KNG1: variants seen among roughly 807,000 people sequenced by gnomAD.
KNG1 encodes the protein kininogen-1.
In KNG1, 23 loss-of-function variants were observed where a neutral mutation model predicts 47.8. The ratio of observed to expected loss-of-function variants is 0.48; its 90% CI spans 0.35 to 0.68. KNG1 has a LOEUF of 0.68. KNG1 is among the 30% of genes least tolerant of loss of function. KNG1 has a pLI of 0.01. For synonymous variants in KNG1, 277 were observed against 277.0 expected (o/e 1.00, Z 0.00); for missense variants, 762 against 790.2 (o/e 0.96, Z 0.43).
In KNG1 at chr3:186,742,293, G is replaced by T; in HGVS notation, c.1897G>T (p.Glu633Ter). 1.2e-6 allele frequency: 2 copies of T among 1,614,042 alleles called. No homozygotes were observed. Among genetic ancestry groups the T allele is most frequent in the Middle Eastern group, 1.6e-4 (1 of 6,062 alleles). Reference protein sequence around the residue: ...SEINPTTQMKESYYFDLTDGL... With the variant: ...SEINPTTQMK ...AATTAATCCAACCACACAAATGAAA[G>T]AATCTTATTATTTCGATCTCACTGA... Residue 633 changes from glutamate to a stop codon, truncating the protein, a stop_gained, in exon 10 of 10, where the codon GAA becomes TAA. Coordinates refer to ENST00000644859, the MANE Select transcript of KNG1 (RefSeq NM_001102416.3). LOFTEE classifies it high-confidence loss of function.
intron 7 of KNG1, chr3:186,736,543 A>C (rs1156491315): frequency 1.3e-5 from 2 of 152,112 alleles, no homozygotes; most frequent in African/African-American, 4.8e-5. Flanking sequence ...CCCTACCACC[A>C]CTGCTGCTGT....
intron 5 of KNG1, among the ~76,000 whole-genome samples, chr3:186,730,980 C>T (rs921980454): frequency 2.0e-5 from 3 of 151,728 alleles, no homozygotes; most frequent in Admixed American, 1.3e-4. Context: ...TTTCTATTCA[C>T]GTGTAATTTT....
intron 6 of KNG1, among the ~76,000 whole-genome samples, chr3:186,732,272 A>G (rs765105882): frequency 6.6e-6 from 1 of 152,160 alleles, no homozygotes; most frequent in Non-Finnish European, 1.5e-5. Context: ...TGTTGGAGTT[A>G]CTCGCACTTT....
chr3:186,720,552 C>T, intron 2 of KNG1: 3 of 354,462 alleles, frequency 8.5e-6, no homozygotes, highest in South Asian at 7.5e-5. Flanking sequence ...GCTTCCATTG[C>T]ACAACGTTAA....
chr3:186,725,497 G>C (rs950340153), intron 4 of KNG1, among the ~76,000 whole-genome samples: 6 of 150,168 alleles, frequency 4.0e-5, no homozygotes, highest in African/African-American at 1.2e-4. Flanking sequence ...GTCATTACAG[G>C]CTCTTCCTAG....
Position 186,727,753 on chromosome 3 carries a change from G to A in KNG1, c.672+409G>A, listed in dbSNP as rs567302360. On this transcript the variant is annotated intron_variant, in intron 5 of 9. Transcript: ENST00000644859. Reference sequence around the variant, plus strand: ...CGCATGGCTAATTTTTGTATTTATAGTAGAGACAGGGTTTTACCGTGTTAG... The same window carrying A: ...CGCATGGCTAATTTTTGTATTTATAATAGAGACAGGGTTTTACCGTGTTAG... Among the ~76,000 whole-genome samples the A allele has an allele frequency of 2.6e-5, 4 of 152,142 alleles. No homozygotes were observed. In the South Asian group the frequency reaches 6.2e-4, roughly 24 times the overall value.
Position 186,732,574 on chromosome 3 carries a change from A to T in KNG1, c.830A>T (p.Glu277Val), listed in dbSNP as rs769418664. 6.2e-7 allele frequency: 1 copy of T among 1,614,086 alleles called. No individual in the cohort carries two copies. Among genetic ancestry groups the T allele is most frequent in the South Asian group, 1.1e-5 (1 of 91,078 alleles). The change falls in exon 7 of 10, where the codon GAG becomes GTG. Residue 277 changes from glutamate (E) to valine (V), a missense_variant. Physicochemically the swap from Glu to Val is moderately radical, Grantham distance 121. Coordinates refer to ENST00000644859, the MANE Select transcript of KNG1 (RefSeq NM_001102416.3). ...CPRDIPTNSP[E>V]LEETLTHTIT... Reference sequence around the variant, plus strand: ...AGAGATATACCCACCAACAGCCCAGAGCTGGAGGAGACACTGACTCACACC... The same window carrying T: ...AGAGATATACCCACCAACAGCCCAGTGCTGGAGGAGACACTGACTCACACC...
At chr3:186,725,435 T>C (rs1211011318) in intron 4 of KNG1, among the ~76,000 whole-genome samples, 175 bp downstream of exon 4, 5 of 151,964 alleles carry the variant, frequency 3.3e-5, no homozygotes, top group Non-Finnish European at 4.4e-5. Flanking sequence ...TGAGAAAAGA[T>C]GTCGAATCAG....
At chr3:186,721,435 A>T (rs1314560962) in intron 2 of KNG1, 1 of 152,244 alleles carries the variant, frequency 6.6e-6, no homozygotes, top group Non-Finnish European at 1.5e-5. Flanking sequence ...TGAAAAGACA[A>T]AACAAAACAA....
At chr3:186,734,412 A>G (rs964076958) in intron 7 of KNG1, among the ~76,000 whole-genome samples, 1 of 152,156 alleles carries the variant, frequency 6.6e-6, no homozygotes, top group Non-Finnish European at 1.5e-5. Context: ...AGTGAAAAAA[A>G]GGAGGCATAA....
At chr3:186,720,497 G>A in intron 2 of KNG1, 1 of 354,264 alleles carries the variant, frequency 2.8e-6, no homozygotes, top group Non-Finnish European at 5.3e-6. Context: ...ATAACAAATT[G>A]ACATTTGGGC....
intron 9 of KNG1, 104 bp downstream of exon 9, chr3:186,739,518 T>C (rs1720753463): frequency 2.5e-6 from 2 of 803,582 alleles, no homozygotes; most frequent in Non-Finnish European, 2.2e-6. Context: ...TGGGGAGCTA[T>C]CTTTTTTAAA....
chr3:186,723,799 C>T (rs1420281981), intron 3 of KNG1, among the ~76,000 whole-genome samples: 2 of 152,088 alleles, frequency 1.3e-5, no homozygotes. Context: ...GGATTATGGG[C>T]ATCGCCACCA....
intron 7 of KNG1, among the ~76,000 whole-genome samples, chr3:186,733,329 G>A (rs193168339): frequency 5.3e-5 from 8 of 152,234 alleles, no homozygotes; most frequent in African/African-American, 1.2e-4. Flanking sequence ...GAAGACTTAC[G>A]CTATGTCTTT....
intron 5 of KNG1, chr3:186,728,316 A>G (rs892986994): frequency 2.6e-5 from 4 of 152,220 alleles, no homozygotes; most frequent in African/African-American, 9.6e-5. Context: ...TTCTGCTTCT[A>G]ATTCATTTAT....
At position 186,741,996 on chromosome 3, in the gene KNG1, C is replaced by T. The variant is rs760798152; in HGVS notation, c.1600C>T (p.Pro534Ser). The stretch of plus-strand genomic sequence containing the variant: ...AAGCTCTTCTGAAGACAGTACTACA[C>T]CTTCTGCACAGACACAAGAGAAGAC... ...LASSSEDSTTPSAQTQEKTEG... is the reference protein window; with the variant it reads ...LASSSEDSTTSSAQTQEKTEG... Residue 534 changes from proline (P) to serine (S), a missense_variant, in exon 10 of 10, where the codon CCT becomes TCT. Pro to Ser is a moderately conservative substitution (Grantham distance 74). Transcript: ENST00000644859. 2.2e-5 allele frequency: 35 copies of T among 1,614,228 alleles called. No homozygotes were observed. In the South Asian group the frequency reaches 3.7e-4, roughly 17 times the overall value.
intron 5 of KNG1, among the ~76,000 whole-genome samples, chr3:186,729,413 C>T (rs1166790456): frequency 1.3e-5 from 2 of 152,106 alleles, no homozygotes; most frequent in Non-Finnish European, 2.9e-5. Context: ...GCCAGAAAGT[C>T]AAAACAACCC....
intron 4 of KNG1, among the ~76,000 whole-genome samples, chr3:186,726,306 A>G (rs5030017): frequency 0.21 from 28,509 of 133,436 alleles, 2,959 homozygotes; most frequent in South Asian, 0.34. Context: ...TTTTTTGAGG[A>G]AGAGTCTTGT....
rs771958732 is a variant in KNG1 at position 186,739,138 on chromosome 3, A to G, written c.970A>G (p.Arg324Gly). Residue 324 changes from arginine (R) to glycine (G), a missense_variant, in exon 8 of 10, where the codon AGG becomes GGG. Coordinates refer to ENST00000644859, the MANE Select transcript of KNG1 (RefSeq NM_001102416.3). Reference protein sequence around the residue: ...GKKYFIDFVARETTCSKESNE... With the variant: ...GKKYFIDFVAGETTCSKESNE... ...GAAATATTTTATTGACTTCGTGGCC[A>G]GGGAAACCACATGTTCCAAGGAAAG... 1.2e-6 allele frequency: 2 copies of G among 1,614,190 alleles called. No individual in the cohort carries two copies. The highest frequency in any genetic ancestry group is 2.2e-5 in the South Asian group (2 of 91,076).
Sources: allele counts gnomAD v4.1 joint callset (sites outside exome capture counted in the v4.1 genomes callset), GRCh38; gene constraint gnomAD v4.1.1; transcripts MANE v1.5; gene names NCBI Gene and HGNC (gene_info 2026-07-23, HGNC 2026-07-21).